HS6ST3: variants seen among roughly 807,000 people sequenced by gnomAD.
The protein encoded by HS6ST3 is heparan-sulfate 6-O-sulfotransferase 3.
Under a neutral mutation model 36.7 loss-of-function variants are expected in HS6ST3, and 12 were observed. The observed-to-expected ratio is 0.33, with a 90% CI of 0.21 to 0.53. The LOEUF (loss-of-function observed/expected upper bound fraction) is 0.53, where lower values mean the gene tolerates loss of function less well. Ranked by LOEUF, HS6ST3 falls within the 20% of genes least tolerant of loss-of-function variation. The pLI, the probability that HS6ST3 is intolerant of heterozygous loss-of-function variation, is 0.95. For synonymous variants in HS6ST3, 240 were observed against 257.5 expected, an observed-to-expected ratio of 0.93 and a Z score of 0.65; for missense variants, 584 against 640.9, an observed-to-expected ratio of 0.91 and a Z score of 0.96.
At chr13:96,539,243 G>A (rs1188428914) in intron 1 of HS6ST3, among the ~76,000 whole-genome samples, 1 of 152,110 alleles carries the variant, frequency 6.6e-6, no homozygotes, top group East Asian at 1.9e-4. Context: ...AGCATTCATT[G>A]TTTCACTAGT....
chr13:96,150,186 G>A (rs1206062353), intron 1 of HS6ST3, among the ~76,000 whole-genome samples: 1 of 152,176 alleles, frequency 6.6e-6, no homozygotes, highest in Non-Finnish European at 1.5e-5. Flanking sequence ...AGTGGCAAGA[G>A]GGGACCCTGA....
intron 1 of HS6ST3, among the ~76,000 whole-genome samples, chr13:96,412,090 C>T (rs531392274): frequency 7.9e-5 from 12 of 152,164 alleles, no homozygotes; most frequent in South Asian, 2.1e-4. Context: ...CTGCAACCTC[C>T]GCCTCCTGGG....
intron 1 of HS6ST3, among the ~76,000 whole-genome samples, chr13:96,619,006 T>G (rs1034422644): frequency 1.5e-5 from 2 of 131,852 alleles, no homozygotes; most frequent in South Asian, 2.3e-4. Flanking sequence ...AGGAGTTGGG[T>G]TTTTTTTTTT....
chr13:96,391,069 C>T (rs893029640), intron 1 of HS6ST3, among the ~76,000 whole-genome samples: 3 of 152,212 alleles, frequency 2.0e-5, no homozygotes, highest in Admixed American at 6.5e-5. Flanking sequence ...TACATCTCTA[C>T]TCACGTGATC....
At chr13:96,441,365 T>C (rs563641286) in intron 1 of HS6ST3, among the ~76,000 whole-genome samples, 1 of 151,632 alleles carries the variant, frequency 6.6e-6, no homozygotes, top group African/African-American at 2.4e-5. Flanking sequence ...AGAGCAAAAC[T>C]CTCCACCTAG....
chr13:96,647,291 A>G (rs1424871810), intron 1 of HS6ST3, among the ~76,000 whole-genome samples: 1 of 152,052 alleles, frequency 6.6e-6, no homozygotes, highest in African/African-American at 2.4e-5. Context: ...TGTAACCCAA[A>G]TCTAAATAGA....
chr13:96,369,224 C>A (rs1282206113), intron 1 of HS6ST3, among the ~76,000 whole-genome samples: 1 of 152,024 alleles, frequency 6.6e-6, no homozygotes, highest in South Asian at 2.1e-4. Flanking sequence ...CCTCTTGCAG[C>A]ATATTAAAGA....
intron 1 of HS6ST3, among the ~76,000 whole-genome samples, chr13:96,519,342 C>T (rs1467818391): frequency 6.6e-6 from 1 of 152,168 alleles, no homozygotes; most frequent in African/African-American, 2.4e-5. Flanking sequence ...ACTCAATGAC[C>T]TGTACACTTT....
chr13:96,780,410 C>T (rs942182232), intron 1 of HS6ST3, among the ~76,000 whole-genome samples: 6 of 152,158 alleles, frequency 3.9e-5, no homozygotes, highest in African/African-American at 1.2e-4. Context: ...GACATATTCA[C>T]TCCAGATAAG....
chr13:96,485,213 C>A (rs1326728367), intron 1 of HS6ST3, among the ~76,000 whole-genome samples: 1 of 152,242 alleles, frequency 6.6e-6, no homozygotes, highest in South Asian at 2.1e-4. Flanking sequence ...TCTTCCTATC[C>A]ATGAACATGG....
chr13:96,131,010 G>A (rs1422374136), intron 1 of HS6ST3, among the ~76,000 whole-genome samples: 1 of 152,110 alleles, frequency 6.6e-6, no homozygotes, highest in Non-Finnish European at 1.5e-5. Context: ...CCACTACCAA[G>A]CAGAGTATTT....
chr13:96,134,366 A>T (rs1390151888), intron 1 of HS6ST3, among the ~76,000 whole-genome samples: 23 of 146,404 alleles, frequency 1.6e-4, no homozygotes, highest in African/African-American at 4.6e-4. Flanking sequence ...TTATTTTTTT[A>T]CCCCCTCTTT....
chr13:96,302,175 A>C (rs1032811368), intron 1 of HS6ST3, among the ~76,000 whole-genome samples: 20 of 151,922 alleles, frequency 1.3e-4, no homozygotes, highest in Non-Finnish European at 2.8e-4. Flanking sequence ...CAAAATTTTA[A>C]AAAAAATTCT....
At chr13:96,504,840 C>T (rs940684376) in intron 1 of HS6ST3, among the ~76,000 whole-genome samples, 6 of 152,158 alleles carry the variant, frequency 3.9e-5, no homozygotes, top group East Asian at 1.9e-4. Flanking sequence ...AATGTTGTTA[C>T]GTAAGTCTTA....
intron 1 of HS6ST3, among the ~76,000 whole-genome samples, chr13:96,411,706 TA>T (rs1206735180): frequency 6.6e-6 from 1 of 152,152 alleles, no homozygotes; most frequent in Non-Finnish European, 1.5e-5. Context: ...GCAGGGCAAT[TA>T]GTTAGGTATT....
chr13:96,331,506 C>T (rs190198478), intron 1 of HS6ST3, among the ~76,000 whole-genome samples: 2,175 of 152,308 alleles, frequency 0.014, 25 homozygotes, highest in East Asian at 0.054. Flanking sequence ...GGTCAGGGGT[C>T]AGGGACCCAC....
At chr13:96,309,285 T>C (rs1287267229) in intron 1 of HS6ST3, among the ~76,000 whole-genome samples, 2 of 152,098 alleles carry the variant, frequency 1.3e-5, no homozygotes, top group African/African-American at 2.4e-5. Flanking sequence ...GCATAGCGCA[T>C]AGGCATAGAG....
At chr13:96,241,288 A>G (rs2054558442) in intron 1 of HS6ST3, among the ~76,000 whole-genome samples, 1 of 151,900 alleles carries the variant, frequency 6.6e-6, no homozygotes, top group African/African-American at 2.4e-5. Flanking sequence ...CTATAATACA[A>G]CTCCTTCCAT....
chr13:96,833,143 G>A lies in HS6ST3; in HGVS notation c.1361G>A (p.Gly454Glu), dbSNP rs748286220. ...HRDHQWPKEDGAAEGTVTEDY... is the reference protein window; with the variant it reads ...HRDHQWPKEDEAAEGTVTEDY... ...GACCACCAGTGGCCCAAAGAAGATG[G>A]GGCTGCAGAAGGGACTGTCACCGAG... The change falls in exon 2 of 2, where the codon GGG (glycine) becomes GAG (glutamate). Residue 454 changes from glycine (G) to glutamate (E), a missense_variant. By Grantham distance (98) the Gly-to-Glu change is moderately conservative. Transcript: ENST00000376705. 2.4e-5 allele frequency: 38 copies of A among 1,598,388 alleles called. No homozygotes were observed. Among genetic ancestry groups the A allele is most frequent in the East Asian group, 6.7e-5 (3 of 44,850 alleles).
Sources: allele counts gnomAD v4.1 joint callset (sites outside exome capture counted in the v4.1 genomes callset), GRCh38; gene constraint gnomAD v4.1.1; transcripts MANE v1.5; gene names NCBI Gene and HGNC (gene_info 2026-07-23, HGNC 2026-07-21).